Variants in KCNIP4 observed in about 807,000 individuals in gnomAD.
KCNIP4 encodes Kv channel-interacting protein 4.
A neutral mutation model predicts 34.0 loss-of-function variants in KCNIP4; 12 were observed. That is an observed-to-expected ratio of 0.35 (90% CI 0.23 to 0.57). The LOEUF is 0.57. Among genes scored for constraint, KCNIP4 ranks in the 20% least tolerant of loss-of-function variants. The pLI is 0.83. For missense variants in KCNIP4, 238 were observed against 311.7 expected, an observed-to-expected ratio of 0.76 and a Z score of 1.78; for synonymous variants, 124 against 102.2, an observed-to-expected ratio of 1.21 and a Z score of -1.29.
At chr4:21,933,283 G>A (rs1729675724) in intron 1 of KCNIP4, among the ~76,000 whole-genome samples, 1 of 151,802 alleles carries the variant, frequency 6.6e-6, no homozygotes, top group South Asian at 2.1e-4. Context: ...TTAAAATAAA[G>A]TCCAAATATT....
chr4:21,780,009 A>T (rs551983174), intron 1 of KCNIP4, among the ~76,000 whole-genome samples: 1 of 152,280 alleles, frequency 6.6e-6, no homozygotes, highest in African/African-American at 2.4e-5. Context: ...TAGAAGACAC[A>T]GTGATTTAAG....
At chr4:21,220,869 T>G (rs1201858593) in intron 1 of KCNIP4, among the ~76,000 whole-genome samples, 4 of 152,184 alleles carry the variant, frequency 2.6e-5, no homozygotes, top group African/African-American at 9.7e-5. Flanking sequence ...TTGAATTTTT[T>G]AAACTTGACA....
At chr4:21,101,705 C>T (rs536128142) in intron 1 of KCNIP4, among the ~76,000 whole-genome samples, 26 of 152,086 alleles carry the variant, frequency 1.7e-4, no homozygotes, top group African/African-American at 4.3e-4. Flanking sequence ...ACTTAAAACA[C>T]GTGAGCTTTA....
chr4:20,792,199 C>T (rs1381935459), intron 3 of KCNIP4, among the ~76,000 whole-genome samples: 2 of 152,056 alleles, frequency 1.3e-5, no homozygotes, highest in Non-Finnish European at 2.9e-5. Context: ...CATGGTGAAA[C>T]TCTGTCTCTA....
chr4:20,884,719 T>C (rs2149527708), intron 1 of KCNIP4, among the ~76,000 whole-genome samples: 1 of 151,130 alleles, frequency 6.6e-6, no homozygotes, highest in East Asian at 1.9e-4. Context: ...TTTTTTTTTT[T>C]TTTTTCAAGA....
chr4:21,945,272 C>T (rs892118026), intron 1 of KCNIP4, among the ~76,000 whole-genome samples: 6 of 152,194 alleles, frequency 3.9e-5, no homozygotes, highest in African/African-American at 1.4e-4. Context: ...TCCAAACCAT[C>T]CACAGCTTTA....
rs139385555 is a variant in KCNIP4 at position 20,933,165 on chromosome 4, A to C, written c.62-50456T>G. ...AGGCTGAGACAGGAAAATCACCTAA[A>C]CCTGGAAGGCAGAGGTTGCAGTGAG... On this transcript the variant is annotated intron_variant, in intron 1 of 8. Transcript: ENST00000382152. Among the ~76,000 whole-genome samples the C allele has an allele frequency of 1.7e-3, 259 of 152,182 alleles. 1 individual carries two copies. The highest frequency in any genetic ancestry group is 5.8e-3 in the African/African-American group (241 of 41,532).
At chr4:21,209,083 G>C (rs1403227419) in intron 1 of KCNIP4, among the ~76,000 whole-genome samples, 1 of 152,040 alleles carries the variant, frequency 6.6e-6, no homozygotes, top group Admixed American at 6.6e-5. Context: ...TTTTGGGTGG[G>C]AACACAACAA....
chr4:21,812,099 T>G (rs187165216), intron 1 of KCNIP4, among the ~76,000 whole-genome samples: 1 of 152,194 alleles, frequency 6.6e-6, no homozygotes, highest in African/African-American at 2.4e-5. Flanking sequence ...AATTGGTATA[T>G]TCACAATAAC....
intron 1 of KCNIP4, among the ~76,000 whole-genome samples, chr4:21,278,574 C>T (rs1355345557): frequency 6.6e-6 from 1 of 152,026 alleles, no homozygotes; most frequent in Non-Finnish European, 1.5e-5. Context: ...TGTAAAATAG[C>T]AGAGACATGG....
chr4:21,595,143 A>T (rs1415601161), intron 1 of KCNIP4, among the ~76,000 whole-genome samples: 3 of 151,686 alleles, frequency 2.0e-5, no homozygotes, highest in African/African-American at 7.3e-5. Flanking sequence ...CTACCCTTGC[A>T]CCCCAACCCT....
chr4:21,112,864 T>A (rs1749342350), intron 1 of KCNIP4, among the ~76,000 whole-genome samples: 1 of 152,160 alleles, frequency 6.6e-6, no homozygotes, highest in South Asian at 2.1e-4. Flanking sequence ...TTCCCTTTTT[T>A]TTTTCTCCAA....
intron 1 of KCNIP4, among the ~76,000 whole-genome samples, chr4:21,683,499 A>G (rs9759876): frequency 0.64 from 21,110 of 33,102 alleles, 4,597 homozygotes; most frequent in African/African-American, 0.69. Flanking sequence ...ACAGAGTCTC[A>G]CTCTGTCACC....
intron 1 of KCNIP4, among the ~76,000 whole-genome samples, chr4:21,585,838 T>A (rs1422044490): frequency 2.0e-5 from 3 of 152,002 alleles, no homozygotes; most frequent in African/African-American, 7.2e-5. Flanking sequence ...AGAAGTATAA[T>A]TAAGAAATAT....
intron 1 of KCNIP4, among the ~76,000 whole-genome samples, chr4:21,546,368 G>C (rs922495180): frequency 4.6e-5 from 7 of 152,042 alleles, no homozygotes; most frequent in Admixed American, 4.6e-4. Context: ...GCAAAAAGTT[G>C]ACTCTTCACA....
chr4:21,301,347 CA>C (rs1357111028), intron 1 of KCNIP4, among the ~76,000 whole-genome samples: 3 of 151,866 alleles, frequency 2.0e-5, no homozygotes, highest in South Asian at 2.1e-4. Flanking sequence ...TATAATAATA[CA>C]AAAAAACTAC....
At chr4:21,296,002 C>G (rs975506174) in intron 1 of KCNIP4, among the ~76,000 whole-genome samples, 2 of 152,108 alleles carry the variant, frequency 1.3e-5, no homozygotes, top group Non-Finnish European at 2.9e-5. Flanking sequence ...CGGTTTGTAT[C>G]TCAAAACTCA....
chr4:21,722,633 T>A (rs1050904530), intron 1 of KCNIP4, among the ~76,000 whole-genome samples: 9 of 152,066 alleles, frequency 5.9e-5, no homozygotes, highest in Non-Finnish European at 1.3e-4. Context: ...AAGAGAGAAA[T>A]CACAAGTCAA....
At chr4:21,125,207 T>TTTTATTTTATTTTAA (rs1560744892) in intron 1 of KCNIP4, among the ~76,000 whole-genome samples, 9 of 145,824 alleles carry the variant, frequency 6.2e-5, no homozygotes, top group African/African-American at 2.3e-4. Flanking sequence ...TTTTATTTTA[T>TTTTATTTTATTTTAA]TTTATTTTAT....
Sources: gnomAD v4.1 joint callset for allele counts (sites outside exome capture counted in the v4.1 genomes callset) on GRCh38, gnomAD v4.1.1 for gene constraint, MANE v1.5 for transcripts, NCBI Gene and HGNC (gene_info 2026-07-23, HGNC 2026-07-21) for gene names.